The following CGNL1 variants were observed in gnomAD, a reference collection of about 807,000 sequenced individuals.
CGNL1 encodes cingulin like 1, also known as cingulin-like protein 1.
Under a neutral mutation model 141.2 loss-of-function variants are expected in CGNL1, and 132 were observed. That is an observed-to-expected ratio of 0.93 (90% CI 0.81 to 1.08). The LOEUF is 1.08. Ranked by LOEUF, CGNL1 falls within the 50% of genes least tolerant of loss-of-function variation. The pLI is 0.00. For synonymous variants in CGNL1, 690 were observed against 622.1 expected, an observed-to-expected ratio of 1.11 and a Z score of -1.63; for missense variants, 1,870 against 1,588.6, an observed-to-expected ratio of 1.18 and a Z score of -3.01.
At chr15:57,443,590 C>G (rs902796728) in intron 4 of CGNL1, among the ~76,000 whole-genome samples, 3 of 152,208 alleles carry the variant, frequency 2.0e-5, no homozygotes, top group Non-Finnish European at 4.4e-5. Flanking sequence ...CTCAGCTAAC[C>G]CATGACTGCT....
intron 8 of CGNL1, among the ~76,000 whole-genome samples, chr15:57,473,963 G>T (rs1189923930): frequency 2.2e-5 from 3 of 139,138 alleles, no homozygotes; most frequent in Non-Finnish European, 3.0e-5. Context: ...AGGCTGGAGT[G>T]CAGTGGTGTG....
chr15:57,548,441 G>A lies in CGNL1; in HGVS notation c.*951G>A, dbSNP rs561929256. The A allele has an allele frequency of 6.6e-6, 1 of 152,246 alleles. No individual in the cohort carries two copies. Among genetic ancestry groups the A allele is most frequent in the Non-Finnish European group, 1.5e-5 (1 of 68,078 alleles). 9.4% of individuals were successfully genotyped at this position (152,246 alleles called of 1,614,324 possible). On this transcript the variant is annotated 3_prime_UTR_variant, in exon 19 of 19. Transcript: ENST00000281282. Reference sequence around the variant, plus strand: ...AAAGTTGGAAAAGAAGAATTGTAGTGGTCATGGACAGCTAAGACTGAGCAT... The same window carrying A: ...AAAGTTGGAAAAGAAGAATTGTAGTAGTCATGGACAGCTAAGACTGAGCAT...
intron 13 of CGNL1, among the ~76,000 whole-genome samples, chr15:57,531,330 G>A (rs1455839132): frequency 6.6e-6 from 1 of 152,216 alleles, no homozygotes; most frequent in Non-Finnish European, 1.5e-5. Flanking sequence ...TCTTTTAACA[G>A]GCACTGGCTT....
At chr15:57,399,739 C>G (rs1361192645) in intron 1 of CGNL1, among the ~76,000 whole-genome samples, 3 of 152,076 alleles carry the variant, frequency 2.0e-5, no homozygotes, top group Non-Finnish European at 4.4e-5. Flanking sequence ...TGCAGGGGCT[C>G]ATGCCTGTAA....
intron 1 of CGNL1, among the ~76,000 whole-genome samples, chr15:57,427,303 A>G (rs1215911215): frequency 6.6e-6 from 1 of 152,186 alleles, no homozygotes; most frequent in Non-Finnish European, 1.5e-5. Flanking sequence ...GTGCCTACAC[A>G]GTGTTATCTT....
intron 8 of CGNL1, among the ~76,000 whole-genome samples, chr15:57,468,234 C>CTTTTT (rs57360097): frequency 5.5e-4 from 47 of 85,886 alleles, no homozygotes; most frequent in East Asian, 1.9e-3. Flanking sequence ...TTTTCTTTTT[C>CTTTTT]TTTTTTTTTT....
intron 8 of CGNL1, among the ~76,000 whole-genome samples, chr15:57,470,212 G>A (rs1233008089): frequency 6.8e-6 from 1 of 147,454 alleles, no homozygotes; most frequent in Non-Finnish European, 1.5e-5. Context: ...AAAGTGAAAT[G>A]GGAAGATTCA....
chr15:57,467,914 T>C (rs1487557377), intron 8 of CGNL1, among the ~76,000 whole-genome samples: 1 of 152,154 alleles, frequency 6.6e-6, no homozygotes, highest in Non-Finnish European at 1.5e-5. Context: ...AGTCTAGAAC[T>C]CCTGACCTCA....
chr15:57,528,646 C>T lies in CGNL1; in HGVS notation c.3040-8C>T. On this transcript the variant is annotated splice_polypyrimidine_tract_variant and splice_region_variant and intron_variant, in intron 12 of 18. Coordinates refer to ENST00000281282, the MANE Select transcript of CGNL1 (RefSeq NM_032866.5). Reference sequence around the variant, plus strand: ...CCAGAAAACCATCCCAGCTGTCTCTCCTCCTAGATGCGTCTGATGGAGGAA... The same window carrying T: ...CCAGAAAACCATCCCAGCTGTCTCTTCTCCTAGATGCGTCTGATGGAGGAA... 1 of 1,613,770 alleles carries T rather than the reference C, an allele frequency of 6.2e-7. No homozygotes were observed.
intron 1 of CGNL1, chr15:57,405,112 TG>T (rs1168578718): frequency 6.6e-6 from 1 of 152,244 alleles, no homozygotes; most frequent in Non-Finnish European, 1.5e-5. Flanking sequence ...ATATCATCTT[TG>T]TGCAAGGGAC....
chr15:57,467,378 C>T (rs112149452), intron 8 of CGNL1, among the ~76,000 whole-genome samples: 15 of 152,132 alleles, frequency 9.9e-5, no homozygotes, highest in African/African-American at 1.4e-4. Flanking sequence ...TTTGGGCATG[C>T]GGGCTGAGGA....
chr15:57,509,678 A>G (rs1412138399), intron 8 of CGNL1, among the ~76,000 whole-genome samples: 1 of 152,234 alleles, frequency 6.6e-6, no homozygotes, highest in Non-Finnish European at 1.5e-5. Context: ...GCCAGCCTGC[A>G]GGCAGGTGAT....
At chr15:57,504,583 C>T (rs2064074482) in intron 8 of CGNL1, among the ~76,000 whole-genome samples, 1 of 152,232 alleles carries the variant, frequency 6.6e-6, no homozygotes, top group East Asian at 1.9e-4. Flanking sequence ...AAGCTTATTT[C>T]TTGCTCATGC....
At chr15:57,394,634 A>G (rs1385175098) in intron 1 of CGNL1, among the ~76,000 whole-genome samples, 3 of 152,194 alleles carry the variant, frequency 2.0e-5, no homozygotes, top group Admixed American at 6.5e-5. Flanking sequence ...ATTGGAGACT[A>G]TTGTATCAGT....
chr15:57,379,316 C>G (rs146216022), intron 1 of CGNL1, among the ~76,000 whole-genome samples: 73 of 152,270 alleles, frequency 4.8e-4, no homozygotes, highest in African/African-American at 1.7e-3. Context: ...TTTGGAGTAG[C>G]AGCTCTAATA....
At chr15:57,380,604 A>C (rs1166269576) in intron 1 of CGNL1, among the ~76,000 whole-genome samples, 1 of 152,112 alleles carries the variant, frequency 6.6e-6, no homozygotes, top group African/African-American at 2.4e-5. Context: ...AGCTTATTCT[A>C]TTAGGCCCGT....
intron 1 of CGNL1, among the ~76,000 whole-genome samples, chr15:57,425,050 G>A (rs534700754): frequency 2.6e-5 from 4 of 152,220 alleles, no homozygotes; most frequent in Admixed American, 6.5e-5. Flanking sequence ...ACTAAGAATC[G>A]TTGAGATTTT....
rs1232951183 is a variant in CGNL1 at position 57,380,684 on chromosome 15, AG to A, written c.-16+4121del. Among the ~76,000 whole-genome samples, 8 of 152,236 alleles carry A rather than the reference AG, an allele frequency of 5.3e-5. No individual in the cohort carries two copies. In the East Asian group the frequency reaches 1.4e-3, roughly 26 times the overall value. The stretch of plus-strand genomic sequence containing the variant: ...AAGGGTGCAGGTATCCATCATGCAA[AG>A]GGGAGGTGGGAGGTGGAGGAAGAGA... On this transcript the variant is annotated intron_variant, in intron 1 of 18. Coordinates refer to ENST00000281282, the MANE Select transcript of CGNL1 (RefSeq NM_032866.5).
intron 12 of CGNL1, among the ~76,000 whole-genome samples, chr15:57,526,108 C>T (rs1401304984): frequency 6.6e-6 from 1 of 151,560 alleles, no homozygotes; most frequent in Non-Finnish European, 1.5e-5. Context: ...GATAAGGAAA[C>T]TGAGGTCCAG....
Sources: allele counts gnomAD v4.1 joint callset (sites outside exome capture counted in the v4.1 genomes callset), GRCh38; gene constraint gnomAD v4.1.1; transcripts MANE v1.5; gene names NCBI Gene and HGNC (gene_info 2026-07-23, HGNC 2026-07-21).